The following SPAG17 variants were observed in gnomAD, a reference collection of about 807,000 sequenced individuals.
The protein encoded by SPAG17 is sperm-associated antigen 17.
A neutral mutation model predicts 273.6 loss-of-function variants in SPAG17; 169 were observed. The ratio of observed to expected loss-of-function variants is 0.62; its 90% CI spans 0.55 to 0.70. The LOEUF is 0.70. SPAG17 is among the 30% of genes least tolerant of loss of function. The pLI, the probability that SPAG17 is intolerant of heterozygous loss-of-function variation, is 0.00. For synonymous variants in SPAG17, 825 were observed against 873.2 expected (o/e 0.94, Z 0.97); for missense variants, 2,557 against 2,627.8 (o/e 0.97, Z 0.59).
Position 118,097,750 on chromosome 1 carries a change from T to G in SPAG17, c.931A>C (p.Asn311His), listed in dbSNP as rs1288549815. Residue 311 changes from asparagine (N) to histidine (H), a missense_variant, in exon 7 of 49, where the codon AAT becomes CAT. By Grantham distance (68) the Asn-to-His change is moderately conservative. Coordinates refer to ENST00000336338, the MANE Select transcript of SPAG17 (RefSeq NM_206996.4). The stretch of plus-strand genomic sequence containing the variant: ...TCAAGTCGAGCAACATCAAAGAGAT[T>G]TGTTTCAGGTTTCTCATTATTCAGG... The part of the protein sequence containing the change: ...PVLNNEKPET[N>H]LFDVARLEYM... 6.2e-7 allele frequency: 1 copy of G among 1,611,288 alleles called. No individual in the cohort carries two copies. Among genetic ancestry groups the G allele is most frequent in the African/African-American group, 1.3e-5 (1 of 74,880 alleles).
At position 117,996,704 on chromosome 1, in the gene SPAG17, T is replaced by C; in HGVS notation, c.4816A>G (p.Lys1606Glu). ...DGSISTILPE[K>E]KLEDDLNEKT... ...TCATTTAAATCATCTTCCAATTTTT[T>C]TTCAGGTAATATAGTTGATATGCTA... The change falls in exon 33 of 49, where the codon AAA (lysine) becomes GAA (glutamate). Residue 1606 changes from lysine (K) to glutamate (E), a missense_variant. Lys to Glu is a moderately conservative substitution (Grantham distance 56). Transcript: ENST00000336338. 1.9e-6 allele frequency: 3 copies of C among 1,612,744 alleles called. No individual in the cohort carries two copies. The highest frequency in any genetic ancestry group is 2.5e-6 in the Non-Finnish European group (3 of 1,179,250).
chr1:118,057,862 A>C (rs1260063406), intron 18 of SPAG17, among the ~76,000 whole-genome samples: 1 of 151,620 alleles, frequency 6.6e-6, no homozygotes, highest in Admixed American at 6.6e-5. Context: ...TTTGTAAAAT[A>C]ATATTAATAC....
Position 117,983,873 on chromosome 1 carries a change from A to G in SPAG17, c.5810T>C (p.Phe1937Ser). 6.2e-7 allele frequency: 1 copy of G among 1,612,914 alleles called. No individual in the cohort carries two copies. Among genetic ancestry groups the G allele is most frequent in the Non-Finnish European group, 8.5e-7 (1 of 1,179,358 alleles). The change falls in exon 42 of 49, where the codon TTT (phenylalanine) becomes TCT (serine). Residue 1937 changes from phenylalanine (F) to serine (S), a missense_variant. Transcript: ENST00000336338. ...GTTTGCATCTTCATTTTTCTTTGTA[A>G]AAGAAGGCAGTTTTTTGGAAAGACT... ...LDSLSKKLPSFTKKNEDANET... is the reference protein window; with the variant it reads ...LDSLSKKLPSSTKKNEDANET...
chr1:118,173,359 G>C (rs1157319837), intron 1 of SPAG17, among the ~76,000 whole-genome samples: 1 of 152,140 alleles, frequency 6.6e-6, no homozygotes, highest in African/African-American at 2.4e-5. Flanking sequence ...CAGAGGAGTA[G>C]AGTATATCTT....
At chr1:117,965,371 A>G (rs1653697487) in intron 47 of SPAG17, 1 of 152,180 alleles carries the variant, frequency 6.6e-6, no homozygotes, top group South Asian at 2.1e-4. Context: ...TTGCCCATAC[A>G]TTCAGCCATC....
chr1:117,991,344 C>T (rs1009266102), intron 37 of SPAG17, 71 bp downstream of exon 37: 43 of 904,202 alleles, frequency 4.8e-5, no homozygotes, highest in Middle Eastern at 2.3e-4. Flanking sequence ...CTATTTCTTA[C>T]GATATTTTGT....
chr1:118,111,472 C>T (rs535527606), intron 4 of SPAG17, among the ~76,000 whole-genome samples: 34 of 151,684 alleles, frequency 2.2e-4, no homozygotes, highest in African/African-American at 8.0e-4. Context: ...AAAATAGTTT[C>T]TGAAGATTTT....
chr1:117,964,185 G>T (rs1035667477), intron 47 of SPAG17: 5 of 328,294 alleles, frequency 1.5e-5, no homozygotes, highest in Non-Finnish European at 2.8e-5. Flanking sequence ...CTTTCTATAA[G>T]GAGCCATCAG....
chr1:117,964,377 A>G (rs932988784), intron 47 of SPAG17: 2 of 153,372 alleles, frequency 1.3e-5, no homozygotes, highest in African/African-American at 4.8e-5. Context: ...GAAATAGAAA[A>G]TTTATTATAA....
chr1:118,038,245 T>C (rs1311083610), intron 23 of SPAG17, among the ~76,000 whole-genome samples: 1 of 152,130 alleles, frequency 6.6e-6, no homozygotes, highest in African/African-American at 2.4e-5. Flanking sequence ...ACTAGACACC[T>C]TATAGAATGG....
chr1:117,957,347 T>G (rs889238165), intron 48 of SPAG17: 17 of 1,010,696 alleles, frequency 1.7e-5, no homozygotes, highest in Middle Eastern at 2.6e-4. Flanking sequence ...GAGGCTGAGG[T>G]GGGTGGATTG....
chr1:117,959,946 ACCC>A (rs1652807636), intron 48 of SPAG17: 1 of 152,356 alleles, frequency 6.6e-6, no homozygotes, highest in Admixed American at 6.5e-5. Flanking sequence ...TGTAAAAATT[ACCC>A]AGAACAGCGT....
At position 118,082,594 on chromosome 1, in the gene SPAG17, A is replaced by G. The variant is rs553595632; in HGVS notation, c.1763-952T>C. Among the ~76,000 whole-genome samples, 3 of 152,338 alleles carry G rather than the reference A, an allele frequency of 2.0e-5. No homozygotes were observed. In the East Asian group the frequency reaches 5.8e-4, roughly 29 times the overall value. The stretch of plus-strand genomic sequence containing the variant: ...AACTATAATGAAAGCTGGGAACACA[A>G]TGGTGAACAAAATAGTGAGCTCCCT... On this transcript the variant is annotated intron_variant, in intron 13 of 48. Transcript: ENST00000336338.
rs532147430 is a variant in SPAG17, at chr1:118,130,571, C to T, written c.316-15130G>A. 6.6e-5 allele frequency among the ~76,000 whole-genome samples: 10 copies of T among 152,274 alleles called. 1 individual carries two copies. Among genetic ancestry groups the T allele is most frequent in the South Asian group, 2.1e-4 (1 of 4,828 alleles). ...TTCAAGGGGAGCCATCTCAAGACTG[C>T]GGTAGAATGGCATTAGTTAACTCCA... On this transcript the variant is annotated intron_variant, in intron 3 of 48. Coordinates refer to ENST00000336338, the MANE Select transcript of SPAG17 (RefSeq NM_206996.4).
rs1305759269 is a variant in SPAG17, at chr1:118,152,794, T to C, written c.88-1425A>G. On this transcript the variant is annotated intron_variant, in intron 1 of 48. Coordinates refer to ENST00000336338, the MANE Select transcript of SPAG17 (RefSeq NM_206996.4). ...ACATTCTGACTTTTAAAAGTAGATA[T>C]GATATGTATAATGTGTAATGACCTT... Among the ~76,000 whole-genome samples the C allele has an allele frequency of 3.9e-5, 6 of 152,220 alleles. 1 individual carries two copies. In the South Asian group the frequency reaches 6.2e-4, roughly 16 times the overall value.
At position 117,987,817 on chromosome 1, in the gene SPAG17, T is replaced by C. The variant is rs762069716; in HGVS notation, c.5669+17A>G. ...GGGCCCTTTCAGGTCCTTATGTGCG[T>C]TTTGGGGTATAATTACCTCGTTTTG... On this transcript the variant is annotated intron_variant, in intron 40 of 48. Coordinates refer to ENST00000336338, the MANE Select transcript of SPAG17 (RefSeq NM_206996.4). 1.2e-6 allele frequency: 2 copies of C among 1,612,338 alleles called. No individual in the cohort carries two copies. The highest frequency in any genetic ancestry group is 1.7e-6 in the Non-Finnish European group (2 of 1,178,656).
At chr1:118,018,722 A>G (rs1376289083) in intron 28 of SPAG17, among the ~76,000 whole-genome samples, 1 of 152,104 alleles carries the variant, frequency 6.6e-6, no homozygotes, top group Admixed American at 6.6e-5. Context: ...TTGCATGGTG[A>G]TGCAAGCCAA....
intron 3 of SPAG17, among the ~76,000 whole-genome samples, chr1:118,147,024 C>G (rs189746652): frequency 1.3e-5 from 2 of 152,290 alleles, no homozygotes; most frequent in East Asian, 3.9e-4. Context: ...TACACTTTAC[C>G]TGTCTCTCAA....
intron 1 of SPAG17, among the ~76,000 whole-genome samples, chr1:118,164,986 T>A (rs961069934): frequency 1.3e-5 from 2 of 152,228 alleles, no homozygotes; most frequent in African/African-American, 4.8e-5. Context: ...CTGGTCCTTT[T>A]ATTCAGAATG....
Sources: allele counts gnomAD v4.1 joint callset (sites outside exome capture counted in the v4.1 genomes callset), GRCh38; gene constraint gnomAD v4.1.1; transcripts MANE v1.5; gene names NCBI Gene and HGNC (gene_info 2026-07-23, HGNC 2026-07-21).